TLN2: variants seen among roughly 807,000 people sequenced by gnomAD.
TLN2 encodes the protein talin-2.
Under a neutral mutation model 294.7 loss-of-function variants are expected in TLN2, and 118 were observed. The observed-to-expected ratio is 0.40, with a 90% CI of 0.34 to 0.47. The LOEUF is 0.47. TLN2 is among the 20% of genes least tolerant of loss of function. The pLI, the probability that TLN2 is intolerant of heterozygous loss-of-function variation, is 0.84. For missense variants in TLN2, 3,083 were observed against 3,282.2 expected (o/e 0.94, Z 1.48); for synonymous variants, 1,431 against 1,304.5 (o/e 1.10, Z -2.09).
intron 51 of TLN2, 29 bp from the exon 52 acceptor site, chr15:62,809,896 A>G (rs2066562125): frequency 6.2e-7 from 1 of 1,606,568 alleles, no homozygotes; most frequent in Non-Finnish European, 8.5e-7. Flanking sequence ...TTCCCATGTT[A>G]AGATTTCAGC....
At chr15:62,403,919 G>A (rs562892658) in intron 1 of TLN2, among the ~76,000 whole-genome samples, 2 of 152,242 alleles carry the variant, frequency 1.3e-5, no homozygotes, top group South Asian at 2.1e-4. Context: ...CTATCTCACT[G>A]CATCTAGAAT....
chr15:62,707,975 A>G (rs34346567), intron 20 of TLN2, among the ~76,000 whole-genome samples: 59,192 of 150,494 alleles, frequency 0.39, 11,443 homozygotes, highest in East Asian at 0.74. Context: ...CTTGGCATCA[A>G]TAGCCTGTGG....
intron 9 of TLN2, among the ~76,000 whole-genome samples, chr15:62,660,073 G>A (rs1293480002): frequency 6.6e-6 from 1 of 152,176 alleles, no homozygotes; most frequent in Non-Finnish European, 1.5e-5. Flanking sequence ...AAATAATAAT[G>A]AGAAGGTTGG....
At chr15:62,430,226 T>A (rs1301554003) in intron 1 of TLN2, among the ~76,000 whole-genome samples, 1 of 152,222 alleles carries the variant, frequency 6.6e-6, no homozygotes, top group Non-Finnish European at 1.5e-5. Flanking sequence ...TTCAATTGAC[T>A]TTGGAGAACA....
Position 62,748,338 on chromosome 15 carries a change from G to GT in TLN2, c.4026-10dup, listed in dbSNP as rs776702881. 45 of 1,556,676 alleles carry GT rather than the reference G, an allele frequency of 2.9e-5. No homozygotes were observed. The African/African-American group carries it at 6.0e-4, about 21-fold the overall frequency. On this transcript the variant is annotated splice_polypyrimidine_tract_variant and intron_variant, in intron 32 of 58. Coordinates refer to ENST00000636159, the MANE Select transcript of TLN2 (RefSeq NM_015059.3). ...TCTTCAAAAAAAAAAAAAAAATTCT[G>GT]TTTCTGTCACAGAGCTGTGACAGAG...
At chr15:62,501,340 A>G (rs902697783) in intron 1 of TLN2, among the ~76,000 whole-genome samples, 6 of 152,172 alleles carry the variant, frequency 3.9e-5, no homozygotes, top group African/African-American at 1.4e-4. Context: ...GAATTTCTCA[A>G]GCCTCCAGCT....
chr15:62,599,747 A>G (rs1389168698), intron 2 of TLN2, among the ~76,000 whole-genome samples: 2 of 152,054 alleles, frequency 1.3e-5, no homozygotes, highest in Non-Finnish European at 2.9e-5. Flanking sequence ...GGTGGTCCGG[A>G]TGCTTGGTTC....
chr15:62,616,535 C>A (rs943344078), intron 2 of TLN2, among the ~76,000 whole-genome samples: 17 of 152,142 alleles, frequency 1.1e-4, no homozygotes, highest in African/African-American at 4.1e-4. Flanking sequence ...CTCAAGTGAT[C>A]CTTCTGCCTC....
intron 1 of TLN2, among the ~76,000 whole-genome samples, chr15:62,466,875 T>C (rs2037163283): frequency 6.6e-6 from 1 of 152,236 alleles, no homozygotes; most frequent in South Asian, 2.1e-4. Context: ...CTTGTACTTT[T>C]AATTTTTGCA....
At chr15:62,608,234 C>T (rs932400112) in intron 2 of TLN2, among the ~76,000 whole-genome samples, 1 of 152,058 alleles carries the variant, frequency 6.6e-6, no homozygotes, top group Non-Finnish European at 1.5e-5. Context: ...ATGTTTATAT[C>T]GTTGGTGCAG....
intron 1 of TLN2, among the ~76,000 whole-genome samples, chr15:62,415,747 G>A (rs1290843911): frequency 6.6e-6 from 1 of 152,198 alleles, no homozygotes; most frequent in Non-Finnish European, 1.5e-5. Flanking sequence ...TGCTTCCTCT[G>A]TTTGGAATTT....
At chr15:62,426,327 G>A (rs893847102) in intron 1 of TLN2, among the ~76,000 whole-genome samples, 4 of 152,170 alleles carry the variant, frequency 2.6e-5, no homozygotes, top group African/African-American at 9.7e-5. Flanking sequence ...CATTTATTAG[G>A]CCCTATACCA....
At chr15:62,712,725 AGTGT>A (rs72282237) in intron 22 of TLN2, among the ~76,000 whole-genome samples, 1 of 150,108 alleles carries the variant, frequency 6.7e-6, no homozygotes, top group African/African-American at 2.4e-5. Flanking sequence ...GGTAGGACTC[AGTGT>A]GTGTGTGTGT....
At chr15:62,649,646 G>C (rs1300136997) in intron 4 of TLN2, among the ~76,000 whole-genome samples, 1 of 152,138 alleles carries the variant, frequency 6.6e-6, no homozygotes, top group Non-Finnish European at 1.5e-5. Flanking sequence ...CACTGGAGAC[G>C]TAAAGGCTTC....
intron 1 of TLN2, among the ~76,000 whole-genome samples, chr15:62,400,309 G>A (rs964296553): frequency 1.3e-5 from 2 of 152,222 alleles, no homozygotes; most frequent in Non-Finnish European, 2.9e-5. Flanking sequence ...TGTCCTTATA[G>A]TAGTGTGAGA....
At chr15:62,585,887 T>G (rs1180579619) in intron 1 of TLN2, among the ~76,000 whole-genome samples, 2 of 152,192 alleles carry the variant, frequency 1.3e-5, no homozygotes, top group Non-Finnish European at 2.9e-5. Flanking sequence ...ATGAGCTGTT[T>G]CCATCATGGC....
intron 43 of TLN2, among the ~76,000 whole-genome samples, chr15:62,777,207 T>C (rs968453255): frequency 1.3e-5 from 2 of 152,168 alleles, no homozygotes; most frequent in Non-Finnish European, 2.9e-5. Context: ...TCATAGGGTT[T>C]GTTGTGGGGG....
chr15:62,589,170 C>T (rs904258166), intron 1 of TLN2, among the ~76,000 whole-genome samples: 1 of 152,134 alleles, frequency 6.6e-6, no homozygotes, highest in African/African-American at 2.4e-5. Context: ...TAGTGCTTCT[C>T]TGCTTCAAAT....
chr15:62,790,974 T>A (rs1398534570), intron 45 of TLN2, among the ~76,000 whole-genome samples: 2 of 152,156 alleles, frequency 1.3e-5, no homozygotes, highest in African/African-American at 4.8e-5. Context: ...TGCTTAATTA[T>A]GAAATGTCTG....
Sources: allele counts gnomAD v4.1 joint callset (sites outside exome capture counted in the v4.1 genomes callset), GRCh38; gene constraint gnomAD v4.1.1; transcripts MANE v1.5; gene names NCBI Gene and HGNC (gene_info 2026-07-23, HGNC 2026-07-21).